VDR: variants seen among roughly 807,000 people sequenced by gnomAD.
VDR encodes the protein vitamin D3 receptor.
Under a neutral mutation model 39.7 loss-of-function variants are expected in VDR, and 19 were observed. That is an observed-to-expected ratio of 0.48 (90% confidence interval 0.33 to 0.70). VDR has a LOEUF of 0.70. Ranked by LOEUF, VDR falls within the 30% of genes least tolerant of loss-of-function variation. VDR has a pLI of 0.02. For missense variants in VDR, 442 were observed against 570.5 expected, an observed-to-expected ratio of 0.77 and a Z score of 2.29; for synonymous variants, 242 against 215.8, an observed-to-expected ratio of 1.12 and a Z score of -1.07.
At chr12:47,864,963 C>G in intron 4 of VDR, 84 bp downstream of exon 4, 1 of 1,598,128 alleles carries the variant, frequency 6.3e-7, no homozygotes. Context: ...GGCAGACCCT[C>G]TGCCCAAACT....
At chr12:47,901,503 C>A (rs1946560557) in intron 1 of VDR, 1 of 155,860 alleles carries the variant, frequency 6.4e-6, no homozygotes, top group African/African-American at 2.4e-5. Flanking sequence ...ACTCTGTCTC[C>A]TGCAATGCAG....
chr12:47,846,843 A>G (rs1211582736), intron 7 of VDR, 35 bp from the exon 8 acceptor site: 1 of 1,613,316 alleles, frequency 6.2e-7, no homozygotes, highest in African/African-American at 1.3e-5. Context: ...TCAGGTTACC[A>G]GTAAACGCCT....
chr12:47,887,346 G>T (rs1444407609), intron 1 of VDR, among the ~76,000 whole-genome samples: 7 of 123,942 alleles, frequency 5.6e-5, no homozygotes, highest in African/African-American at 2.1e-4. Flanking sequence ...AAAAAACAAA[G>T]GAGAAGAAAA....
At chr12:47,887,275 T>G (rs570040367) in intron 1 of VDR, among the ~76,000 whole-genome samples, 94 of 127,272 alleles carry the variant, frequency 7.4e-4, no homozygotes, top group Non-Finnish European at 1.2e-3. Context: ...TGAGCAGAGA[T>G]CGCACCGTTG....
chr12:47,864,721 A>C (rs889276033), intron 4 of VDR, among the ~76,000 whole-genome samples: 1 of 152,142 alleles, frequency 6.6e-6, no homozygotes, highest in Non-Finnish European at 1.5e-5. Flanking sequence ...CTGGAGGAAG[A>C]CCCTGACCCA....
At chr12:47,893,277 T>C (rs980949478) in intron 1 of VDR, among the ~76,000 whole-genome samples, 22 of 152,182 alleles carry the variant, frequency 1.4e-4, no homozygotes, top group Non-Finnish European at 7.3e-5. Context: ...ATTGTTTCAT[T>C]GAGACGTTAG....
chr12:47,872,892 C>T (rs1253044661), intron 3 of VDR, among the ~76,000 whole-genome samples: 2 of 152,204 alleles, frequency 1.3e-5, no homozygotes, highest in African/African-American at 2.4e-5. Flanking sequence ...ATCTCCAATG[C>T]TCTCGACAAC....
At chr12:47,876,932 C>T (rs1363402505) in intron 3 of VDR, among the ~76,000 whole-genome samples, 2 of 152,172 alleles carry the variant, frequency 1.3e-5, no homozygotes, top group Non-Finnish European at 2.9e-5. Context: ...GGGGAGGAGG[C>T]CTAGGAGGAG....
In VDR at chr12:47,844,635, G is replaced by T. The variant is rs886049435; in HGVS notation, c.*111C>A. The T allele has an allele frequency of 4.2e-5, 62 of 1,473,398 alleles. No homozygotes were observed. Among genetic ancestry groups the T allele is most frequent in the African/African-American group, 5.5e-5 (4 of 72,460 alleles). The allele number at this position is 1,473,398 out of a possible 1,614,324, so 91.3% of individuals were successfully genotyped here. On this transcript the variant is annotated 3_prime_UTR_variant, in exon 10 of 10. Transcript: ENST00000549336. Reference sequence around the variant, plus strand: ...TGGATAGGGGAGGTGGCAGAGGAGGGGCTGAACCCCAGACGGGGTGAGGAG... The same window carrying T: ...TGGATAGGGGAGGTGGCAGAGGAGGTGCTGAACCCCAGACGGGGTGAGGAG...
rs755249294 is a variant in VDR at position 47,879,030 on chromosome 12, T to A, written c.84A>T (p.Gly28=). ...TGAAGTGAAAGCCAGTGGCTCGGTC[T>A]CCACACACCCCACAGATCCGGGGCA... ...RNVPRICGVC[G]DRATGFHFNA... The change falls in exon 3 of 10, where the codon GGA becomes GGT. Residue 28 remains glycine, a synonymous_variant. Coordinates refer to ENST00000549336, the MANE Select transcript of VDR (RefSeq NM_000376.3). 4 of 1,614,138 alleles carry A rather than the reference T, an allele frequency of 2.5e-6. No homozygotes were observed. The East Asian group carries it at 8.9e-5, about 36-fold the overall frequency.
chr12:47,899,793 T>G, intron 1 of VDR: 1 of 677,246 alleles, frequency 1.5e-6, no homozygotes, highest in Non-Finnish European at 1.8e-6. Flanking sequence ...TCTTTAGACC[T>G]TGGTTTCCCC....
intron 1 of VDR, among the ~76,000 whole-genome samples, chr12:47,899,018 A>G (rs1010623066): frequency 2.0e-5 from 3 of 152,188 alleles, no homozygotes; most frequent in African/African-American, 7.2e-5. Context: ...TCTATACATA[A>G]ACATATAATC....
chr12:47,891,266 G>T (rs903173982), intron 1 of VDR, among the ~76,000 whole-genome samples: 1 of 152,164 alleles, frequency 6.6e-6, no homozygotes, highest in Non-Finnish European at 1.5e-5. Flanking sequence ...GATAATACCT[G>T]AGTCTCAGTT....
intron 1 of VDR, among the ~76,000 whole-genome samples, chr12:47,895,340 C>T (rs891485948): frequency 2.0e-5 from 3 of 152,138 alleles, no homozygotes; most frequent in Admixed American, 1.3e-4. Flanking sequence ...ATTTTTCTCA[C>T]ACAACTTTTC....
intron 7 of VDR, among the ~76,000 whole-genome samples, chr12:47,847,697 C>T (rs765013199): frequency 4.6e-5 from 7 of 151,664 alleles, no homozygotes; most frequent in Non-Finnish European, 8.8e-5. Context: ...CTCAGCCTTC[C>T]GAATAGCTAA....
rs886049435 is a variant in VDR, at chr12:47,844,635, G to C, written c.*111C>G. On this transcript the variant is annotated 3_prime_UTR_variant, in exon 10 of 10. Coordinates refer to ENST00000549336, the MANE Select transcript of VDR (RefSeq NM_000376.3). The stretch of plus-strand genomic sequence containing the variant: ...TGGATAGGGGAGGTGGCAGAGGAGG[G>C]GCTGAACCCCAGACGGGGTGAGGAG... 2.0e-6 allele frequency: 3 copies of C among 1,473,398 alleles called. No homozygotes were observed. Among genetic ancestry groups the C allele is most frequent in the Non-Finnish European group, 2.8e-6 (3 of 1,073,170 alleles). 91.3% of individuals were successfully genotyped at this position (1,473,398 alleles called of 1,614,324 possible). A position where few individuals can be genotyped will look rare whatever the true frequency, so the allele number is the denominator to read the frequency against.
chr12:47,875,507 T>TA (rs1361334605), intron 3 of VDR, among the ~76,000 whole-genome samples: 1 of 152,064 alleles, frequency 6.6e-6, no homozygotes, highest in African/African-American at 2.4e-5. Context: ...CACAAACAGA[T>TA]ATGAGTGACC....
chr12:47,846,620 T>C, intron 8 of VDR, 37 bp downstream of exon 8: 1 of 1,612,428 alleles, frequency 6.2e-7, no homozygotes, highest in Non-Finnish European at 8.5e-7. Context: ...ATCTGGGAGC[T>C]GAAAAAGACT....
chr12:47,895,207 G>A (rs1222557819), intron 1 of VDR, among the ~76,000 whole-genome samples: 1 of 152,194 alleles, frequency 6.6e-6, no homozygotes, highest in Non-Finnish European at 1.5e-5. Flanking sequence ...GGAAGGCTGT[G>A]AAAAAACACC....
Sources: allele counts gnomAD v4.1 joint callset (sites outside exome capture counted in the v4.1 genomes callset), GRCh38; gene constraint gnomAD v4.1.1; transcripts MANE v1.5; gene names NCBI Gene and HGNC (gene_info 2026-07-23, HGNC 2026-07-21).